SYCP1: variants seen among roughly 807,000 people sequenced by gnomAD.
The protein encoded by SYCP1 is cancer/testis antigen 8.
A neutral mutation model predicts 153.1 loss-of-function variants in SYCP1; 64 were observed. That is an observed-to-expected ratio of 0.42 (90% confidence interval 0.34 to 0.51). The LOEUF (loss-of-function observed/expected upper bound fraction) is 0.51. Ranked by LOEUF, SYCP1 falls within the 20% of genes least tolerant of loss-of-function variation. SYCP1 has a pLI of 0.06. For synonymous variants in SYCP1, 384 were observed against 341.8 expected (o/e 1.12, Z -1.36); for missense variants, 997 against 1,049.0 (o/e 0.95, Z 0.68).
chr1:114,959,425 TTCTG>T (rs1671646299), intron 27 of SYCP1, among the ~76,000 whole-genome samples: 1 of 152,160 alleles, frequency 6.6e-6, no homozygotes, highest in Non-Finnish European at 1.5e-5. Flanking sequence ...AGCTATAGTT[TTCTG>T]TCTTTTAATT....
chr1:114,865,779 C>G (rs1010644256), intron 8 of SYCP1, among the ~76,000 whole-genome samples: 1 of 151,924 alleles, frequency 6.6e-6, no homozygotes, highest in African/African-American at 2.4e-5. Flanking sequence ...CAAATATGTC[C>G]GCCATTATAG....
chr1:114,930,264 G>C (rs1669536173), intron 23 of SYCP1, among the ~76,000 whole-genome samples: 1 of 151,752 alleles, frequency 6.6e-6, no homozygotes, highest in African/African-American at 2.4e-5. Flanking sequence ...TTTTTATCTA[G>C]AAACTAAAAA....
rs1570637969 is a variant in SYCP1 at position 114,856,786 on chromosome 1, A to G, written c.193+129A>G. 5.9e-6 allele frequency: 4 copies of G among 679,098 alleles called. No individual in the cohort carries two copies. The East Asian group carries it at 1.2e-4, about 21-fold the overall frequency. The allele number at this position is 679,098 out of a possible 1,614,324, so 42.1% of individuals were successfully genotyped here. ...ACACAAAAGCTAGATATAATACTTA[A>G]TATAAAAAATAAGGCTGGACACGGT... On this transcript the variant is annotated intron_variant, in intron 3 of 31. Transcript: ENST00000369522.
intron 5 of SYCP1, 32 bp from the exon 6 acceptor site, chr1:114,858,515 G>A (rs360615): frequency 1 from 1,531,687 of 1,534,826 alleles, 764,338 homozygotes; most frequent in East Asian, 1. Flanking sequence ...TAGAATTTTG[G>A]ACAATTAATT....
chr1:114,892,257 T>C (rs1416841299), intron 15 of SYCP1, among the ~76,000 whole-genome samples: 10 of 152,102 alleles, frequency 6.6e-5, no homozygotes, highest in East Asian at 3.9e-4. Context: ...GTGATTCCTA[T>C]GCCCCTGATG....
At chr1:114,988,887 A>G (rs1184890626) in intron 30 of SYCP1, among the ~76,000 whole-genome samples, 1 of 152,030 alleles carries the variant, frequency 6.6e-6, no homozygotes, top group African/African-American at 2.4e-5. Context: ...TGTGACATCA[A>G]TAACAGAAAA....
intron 30 of SYCP1, among the ~76,000 whole-genome samples, chr1:114,988,559 C>A (rs951223859): frequency 6.6e-6 from 1 of 151,836 alleles, no homozygotes; most frequent in Non-Finnish European, 1.5e-5. Context: ...TTATATCCAG[C>A]AAAACTGTCA....
intron 15 of SYCP1, among the ~76,000 whole-genome samples, 179 bp downstream of exon 15, chr1:114,887,872 A>G (rs1445945385): frequency 1.3e-5 from 2 of 151,966 alleles, no homozygotes; most frequent in Non-Finnish European, 2.9e-5. Flanking sequence ...AGAGTGTTTT[A>G]TTCAGTTTTA....
At chr1:114,928,661 G>T (rs1669419923) in intron 23 of SYCP1, among the ~76,000 whole-genome samples, 1 of 152,142 alleles carries the variant, frequency 6.6e-6, no homozygotes. Context: ...TGCTATTATA[G>T]AGTTTATAAT....
At position 114,926,334 on chromosome 1, in the gene SYCP1, GC is replaced by G; in HGVS notation, c.1858del (p.Gln620ArgfsTer6). On this transcript the variant is annotated frameshift_variant, in exon 22 of 32. Transcript: ENST00000369522. LOFTEE classifies it high-confidence loss of function. ...AAAACAAGTATATTGAAGAACTTCAGCAGGAGGTATGTATTTTTTATAAATA... is the reference window on the plus strand; with the variant it reads ...AAAACAAGTATATTGAAGAACTTCAGAGGAGGTATGTATTTTTTATAAATA... The part of the protein sequence containing the change: ...NKNKYIEELQ[Q>X]ENKALKKKGT... 1 of 1,535,268 alleles carries G rather than the reference GC, an allele frequency of 6.5e-7. No homozygotes were observed. The highest frequency in any genetic ancestry group is 8.8e-7 in the Non-Finnish European group (1 of 1,139,152).
At chr1:114,884,130 T>A (rs1014879750) in intron 12 of SYCP1, among the ~76,000 whole-genome samples, 1 of 152,240 alleles carries the variant, frequency 6.6e-6, no homozygotes, top group Non-Finnish European at 1.5e-5. Flanking sequence ...TTTTGCATGG[T>A]CTTCATGAAT....
In SYCP1 at chr1:114,946,327, A is replaced by G. The variant is rs1226060292; in HGVS notation, c.2193A>G (p.Glu731=). ...YDKIIEERDS[E]LGLYKSKEQE... ...AGATCATTGAAGAAAGAGACTCAGAATTAGGACTTTATAAGAGCAAAGAAC... is the reference window on the plus strand; with the variant it reads ...AGATCATTGAAGAAAGAGACTCAGAGTTAGGACTTTATAAGAGCAAAGAAC... Residue 731 remains glutamate (E), a synonymous_variant, in exon 26 of 32, where the codon GAA becomes GAG. Transcript: ENST00000369522. 4 of 1,587,252 alleles carry G rather than the reference A, an allele frequency of 2.5e-6. No individual in the cohort carries two copies. In the Admixed American group the frequency reaches 7.4e-5, roughly 29 times the overall value.
intron 25 of SYCP1, among the ~76,000 whole-genome samples, chr1:114,945,855 T>C (rs934930071): frequency 2.0e-5 from 3 of 152,210 alleles, no homozygotes; most frequent in Non-Finnish European, 2.9e-5. Flanking sequence ...TATGTATACA[T>C]GTGCCATGTT....
chr1:114,929,541 A>C (rs1357540910), intron 23 of SYCP1, among the ~76,000 whole-genome samples: 1 of 152,108 alleles, frequency 6.6e-6, no homozygotes, highest in Non-Finnish European at 1.5e-5. Context: ...AGTAAGCATA[A>C]GAAAGTGGAG....
rs115212098 is a variant in SYCP1 at position 114,866,517 on chromosome 1, T to G, written c.598+5708T>G. Among the ~76,000 whole-genome samples the G allele has an allele frequency of 9.3e-3, 1,417 of 152,284 alleles. 23 individuals are homozygous for G. Among genetic ancestry groups the G allele is most frequent in the African/African-American group, 0.032 (1,336 of 41,554 alleles). On this transcript the variant is annotated intron_variant, in intron 8 of 31. Transcript: ENST00000369522. ...TCTGTTAAGGTCTTTGTCCCATTTTTTAATCAGGTTGCATGTTTTCTTATT... is the reference window on the plus strand; with the variant it reads ...TCTGTTAAGGTCTTTGTCCCATTTTGTAATCAGGTTGCATGTTTTCTTATT...
intron 20 of SYCP1, among the ~76,000 whole-genome samples, chr1:114,916,196 A>G (rs917154348): frequency 8.5e-5 from 13 of 152,292 alleles, no homozygotes; most frequent in Admixed American, 8.5e-4. Flanking sequence ...GTGTTTTCAC[A>G]GTCATCTATT....
Position 114,886,159 on chromosome 1 carries a change from T to G in SYCP1, c.1040T>G (p.Ile347Arg). 1.6e-5 allele frequency: 26 copies of G among 1,609,024 alleles called. No individual in the cohort carries two copies. Among genetic ancestry groups the G allele is most frequent in the Non-Finnish European group, 2.2e-5 (26 of 1,178,256 alleles). ...AAGGCTTTAGAGGAAGATTTACAGA[T>G]AGCAACAAAAACAATTTGTCAGCTA... Reference protein sequence around the residue: ...TQKALEEDLQIATKTICQLTE... With the variant: ...TQKALEEDLQRATKTICQLTE... Residue 347 changes from isoleucine to arginine, a missense_variant, in exon 14 of 32, where the codon ATA (isoleucine) becomes AGA (arginine). Physicochemically the swap from Ile to Arg is moderately conservative, Grantham distance 97. Coordinates refer to ENST00000369522, the MANE Select transcript of SYCP1 (RefSeq NM_003176.4).
intron 13 of SYCP1, 26 bp downstream of exon 13, chr1:114,885,655 G>A (rs1351960573): frequency 1.5e-6 from 2 of 1,304,234 alleles, no homozygotes; most frequent in South Asian, 2.6e-5. Context: ...TCATTAGTGT[G>A]TAATAAGTCT....
At chr1:114,906,824 G>C (rs1392079909) in intron 16 of SYCP1, among the ~76,000 whole-genome samples, 1 of 152,168 alleles carries the variant, frequency 6.6e-6, no homozygotes, top group African/African-American at 2.4e-5. Context: ...GTTAGGTAGA[G>C]TGTTCTGTAA....
Sources: allele counts gnomAD v4.1 joint callset (sites outside exome capture counted in the v4.1 genomes callset), GRCh38; gene constraint gnomAD v4.1.1; transcripts MANE v1.5; gene names NCBI Gene and HGNC (gene_info 2026-07-23, HGNC 2026-07-21).